Variants in OPRM1 observed in about 807,000 individuals in gnomAD.
OPRM1 encodes opioid receptor mu 1.
In OPRM1, 27 loss-of-function variants were observed where a neutral mutation model predicts 31.8. The observed-to-expected ratio is 0.85, with a 90% CI of 0.63 to 1.17. OPRM1 has a LOEUF of 1.17. Ranked by LOEUF, OPRM1 falls within the 50% of genes most tolerant of loss-of-function variation. The pLI, the probability that OPRM1 is intolerant of heterozygous loss-of-function variation, is 0.00. For missense variants in OPRM1, 536 were observed against 511.1 expected (o/e 1.05, Z -0.47); for synonymous variants, 196 against 189.9 (o/e 1.03, Z -0.26).
At chr6:154,212,846 C>A (rs768005350) in intron 3 of OPRM1, 9 of 1,609,544 alleles carry the variant, frequency 5.6e-6, no homozygotes, top group Non-Finnish European at 7.7e-6. Flanking sequence ...TTCACTTTCA[C>A]TGTAACATTC....
At chr6:154,095,978 A>G (rs952168041) in intron 3 of OPRM1, among the ~76,000 whole-genome samples, 15 of 152,134 alleles carry the variant, frequency 9.9e-5, no homozygotes, top group Non-Finnish European at 1.9e-4. Context: ...GCCACTGCTA[A>G]CCTGCCTTGC....
At chr6:154,029,709 T>C (rs1483195824) in intron 1 of OPRM1, among the ~76,000 whole-genome samples, 7 of 152,222 alleles carry the variant, frequency 4.6e-5, no homozygotes, top group Admixed American at 1.3e-4. Context: ...TCCCCGCATG[T>C]CATGGGAGGG....
At chr6:154,156,566 A>G (rs557895836) in intron 3 of OPRM1, 3 of 152,336 alleles carry the variant, frequency 2.0e-5, no homozygotes, top group Admixed American at 1.3e-4. Flanking sequence ...AAACACACCA[A>G]TTTGCAAACT....
At chr6:154,213,570 A>G (rs573997486) in intron 3 of OPRM1, among the ~76,000 whole-genome samples, 23 of 152,282 alleles carry the variant, frequency 1.5e-4, no homozygotes, top group African/African-American at 5.3e-4. Flanking sequence ...TGATTTTGTT[A>G]TCAGAAGATA....
chr6:154,134,150 G>A (rs1459566074), downstream of OPRM1, among the ~76,000 whole-genome samples: 3 of 152,154 alleles, frequency 2.0e-5, no homozygotes, highest in African/African-American at 4.8e-5. Flanking sequence ...ATCACTAGGA[G>A]GCAACATCCA....
intron 1 of OPRM1, among the ~76,000 whole-genome samples, chr6:154,061,725 A>G (rs1290087613): frequency 6.6e-6 from 1 of 152,038 alleles, no homozygotes. Flanking sequence ...CACTATGCTC[A>G]CTACCTGAGT....
At position 154,130,158 on chromosome 6, in the gene OPRM1, T is replaced by C. The variant is rs1210380510; in HGVS notation, c.*11437T>C. Among the ~76,000 whole-genome samples the C allele has an allele frequency of 7.2e-6, 1 of 138,088 alleles. No homozygotes were observed. The highest frequency in any genetic ancestry group is 1.5e-5 in the Non-Finnish European group (1 of 66,254). The allele number at this position is 138,088 out of a possible 152,430, so 90.6% of individuals were successfully genotyped here. On this transcript the variant is annotated 3_prime_UTR_variant, in exon 4 of 4. Transcript: ENST00000330432. ...ACCCAAACCATCGATTTCATGGAAA[T>C]GTTTAAATTTTCTTTTTTTTTTTTT...
chr6:154,051,269 A>G (rs1782137321), intron 1 of OPRM1, among the ~76,000 whole-genome samples: 1 of 152,238 alleles, frequency 6.6e-6, no homozygotes, highest in African/African-American at 2.4e-5. Context: ...ACAACTAAAA[A>G]GGGCTCTGCC....
intron 3 of OPRM1, among the ~76,000 whole-genome samples, chr6:154,183,395 G>A (rs933189203): frequency 6.6e-6 from 1 of 152,208 alleles, no homozygotes; most frequent in African/African-American, 2.4e-5. Context: ...ATTCATGGAT[G>A]ACTTAATGCT....
intron 3 of OPRM1, among the ~76,000 whole-genome samples, chr6:154,196,530 A>G (rs1262269867): frequency 1.3e-5 from 2 of 152,300 alleles, no homozygotes; most frequent in East Asian, 3.9e-4. Flanking sequence ...GCTGACATGC[A>G]GCTTTTCAGC....
Position 154,127,908 on chromosome 6 carries a change from G to C in OPRM1, c.*9187G>C, listed in dbSNP as rs1367130837. Among the ~76,000 whole-genome samples the C allele has an allele frequency of 6.6e-6, 1 of 152,152 alleles. No individual in the cohort carries two copies. The highest frequency in any genetic ancestry group is 1.9e-4 in the East Asian group (1 of 5,198). On this transcript the variant is annotated 3_prime_UTR_variant, in exon 4 of 4. Coordinates refer to ENST00000330432, the MANE Select transcript of OPRM1 (RefSeq NM_000914.5). ...GCTCACCCAGTGCTCTGTCTCAGTGGTAAGCTGTAACTGATCACTGCTGTA... is the reference window on the plus strand; with the variant it reads ...GCTCACCCAGTGCTCTGTCTCAGTGCTAAGCTGTAACTGATCACTGCTGTA...
chr6:154,226,464 T>C (rs967281107), intron 3 of OPRM1, among the ~76,000 whole-genome samples: 2 of 152,104 alleles, frequency 1.3e-5, no homozygotes, highest in Non-Finnish European at 2.9e-5. Context: ...AAACAGGACA[T>C]GTGAGAGACA....
intron 3 of OPRM1, among the ~76,000 whole-genome samples, chr6:154,186,567 TTTTTTTTGAGAC>T (rs1441797021): frequency 1.3e-5 from 2 of 151,948 alleles, no homozygotes; most frequent in East Asian, 3.9e-4. Context: ...TTTTTCTCTT[TTTTTTTTGAGAC>T]GGAGTCTCGC....
intron 3 of OPRM1, among the ~76,000 whole-genome samples, chr6:154,241,552 T>A (rs904864261): frequency 6.6e-6 from 1 of 152,168 alleles, no homozygotes; most frequent in Non-Finnish European, 1.5e-5. Context: ...GGAATCATGC[T>A]TATTTTAGCC....
At position 154,192,663 on chromosome 6, in the gene OPRM1, AAG is replaced by A. The variant is rs1056269901; in HGVS notation, c.1165-54028_1165-54027del. Among the ~76,000 whole-genome samples, 23 of 144,598 alleles carry A rather than the reference AAG, an allele frequency of 1.6e-4. 1 individual carries two copies. The highest frequency in any genetic ancestry group is 6.2e-4 in the African/African-American group (23 of 37,248). 94.9% of individuals were successfully genotyped at this position (144,598 alleles called of 152,430 possible). A position where few individuals can be genotyped will look rare whatever the true frequency, so the allele number is the denominator to read the frequency against. ...CTACAAGGAACACAAACAAATTAGG[AAG>A]AAAAAAAAATGACTTAATCCTATCA... On this transcript the variant is annotated intron_variant, in intron 3 of 3. Transcript: ENST00000337049.
intron 1 of OPRM1, among the ~76,000 whole-genome samples, chr6:154,077,922 C>T (rs1032826179): frequency 2.6e-5 from 4 of 151,940 alleles, no homozygotes; most frequent in Non-Finnish European, 5.9e-5. Flanking sequence ...CCCTACCACT[C>T]CAAGGAATTT....
intron 3 of OPRM1, chr6:154,199,965 C>T: frequency 5.6e-6 from 9 of 1,614,184 alleles, no homozygotes; most frequent in Non-Finnish European, 7.6e-6. Flanking sequence ...GGTGTCTTCA[C>T]TGTATTTTCC....
At position 154,118,978 on chromosome 6, in the gene OPRM1, C is replaced by T. The variant is rs962872359; in HGVS notation, c.*257C>T. The T allele has an allele frequency of 4.9e-6, 6 of 1,233,478 alleles. No homozygotes were observed. The highest frequency in any genetic ancestry group is 4.0e-5 in the Admixed American group (1 of 25,226). 76.4% of individuals were successfully genotyped at this position (1,233,478 alleles called of 1,614,324 possible). ...TGCAAGACACCCAGTGGAACCAAAA[C>T]CCATCGTGGTATGTGAATTGAAGTC... On this transcript the variant is annotated 3_prime_UTR_variant, in exon 4 of 4. Transcript: ENST00000330432.
chr6:154,010,709 T>C (rs1057047748), exon 1 of OPRM1: 1 of 1,438,290 alleles, frequency 7.0e-7, no homozygotes, highest in Non-Finnish European at 9.1e-7. Flanking sequence ...GGCTTCTGGA[T>C]TCAGTGTGTG....
Sources: allele counts gnomAD v4.1 joint callset (sites outside exome capture counted in the v4.1 genomes callset), GRCh38; gene constraint gnomAD v4.1.1; transcripts MANE v1.5; gene names NCBI Gene and HGNC (gene_info 2026-07-23, HGNC 2026-07-21).